Variants in LRP12 observed in about 807,000 individuals in gnomAD.
LRP12 encodes the protein LDL receptor related protein 12.
A neutral mutation model predicts 66.0 loss-of-function variants in LRP12; 14 were observed. The ratio of observed to expected loss-of-function variants is 0.21; its 90% CI spans 0.14 to 0.33. The LOEUF (loss-of-function observed/expected upper bound fraction) is 0.33. LRP12 is among the 10% of genes least tolerant of loss of function. The pLI is 1.00. For synonymous variants in LRP12, 357 were observed against 359.1 expected (o/e 0.99, Z 0.07); for missense variants, 889 against 1,053.4 (o/e 0.84, Z 2.16).
intron 6 of LRP12, among the ~76,000 whole-genome samples, chr8:104,493,163 C>T (rs34255383): frequency 0.15 from 22,317 of 152,040 alleles, 2,444 homozygotes; most frequent in African/African-American, 0.31. Context: ...GGGGATCTCA[C>T]GAATGTTCTA....
At chr8:104,579,661 G>A (rs1191645691) in intron 1 of LRP12, among the ~76,000 whole-genome samples, 1 of 152,100 alleles carries the variant, frequency 6.6e-6, no homozygotes, top group Non-Finnish European at 1.5e-5. Flanking sequence ...AAGAAATCAT[G>A]CTACCCAACT....
chr8:104,543,673 G>A (rs1347390619), intron 1 of LRP12, among the ~76,000 whole-genome samples: 1 of 152,170 alleles, frequency 6.6e-6, no homozygotes, highest in Non-Finnish European at 1.5e-5. Context: ...TGTAATTCCA[G>A]CACTTTGGGA....
rs533067243 is a variant in LRP12 at position 104,490,828 on chromosome 8, G to A, written c.2425C>T (p.Pro809Ser). ...ASDQGQGLRQ[P>S]YNATNPGVRP... Reference sequence around the variant, plus strand: ...ACTCCAGGATTTGTTGCATTATATGGTTGTCTAAGCCCTTGTCCTTGATCT... The same window carrying A: ...ACTCCAGGATTTGTTGCATTATATGATTGTCTAAGCCCTTGTCCTTGATCT... Residue 809 changes from proline to serine, a missense_variant, in exon 7 of 7, where the codon CCA becomes TCA. Coordinates refer to ENST00000276654, the MANE Select transcript of LRP12 (RefSeq NM_013437.5). 5 of 1,614,100 alleles carry A rather than the reference G, an allele frequency of 3.1e-6. No homozygotes were observed. In the South Asian group the frequency reaches 4.4e-5, roughly 14 times the overall value.
chr8:104,535,555 T>C (rs1441042677), intron 1 of LRP12, among the ~76,000 whole-genome samples: 2 of 151,996 alleles, frequency 1.3e-5, no homozygotes, highest in African/African-American at 4.8e-5. Flanking sequence ...GAATAGCTAA[T>C]AAATACACCT....
chr8:104,529,212 A>T (rs1170099060), intron 2 of LRP12, among the ~76,000 whole-genome samples: 1 of 152,174 alleles, frequency 6.6e-6, no homozygotes, highest in East Asian at 1.9e-4. Context: ...GACAGCACAC[A>T]CAGAGGGGAG....
intron 2 of LRP12, among the ~76,000 whole-genome samples, chr8:104,514,493 G>C (rs891811382): frequency 1.3e-5 from 2 of 149,264 alleles, no homozygotes; most frequent in Non-Finnish European, 3.0e-5. Context: ...TGGATAATGA[G>C]ATCAGGAGTT....
intron 2 of LRP12, among the ~76,000 whole-genome samples, chr8:104,526,781 T>TCATGTCTAAAA: frequency 6.8e-6 from 1 of 146,930 alleles, no homozygotes; most frequent in South Asian, 2.2e-4. Flanking sequence ...GGCAAGGACT[T>TCATGTCTAAAA]CATGTCTAAA....
chr8:104,524,474 T>C lies in LRP12; in HGVS notation c.136+7433A>G, dbSNP rs1422958355. On this transcript the variant is annotated intron_variant, in intron 2 of 6. Transcript: ENST00000276654. ...TGTATATGAATATGTCTCTTGAGCATGATCCAAATTAGGCAAAATCCATTG... is the reference window on the plus strand; with the variant it reads ...TGTATATGAATATGTCTCTTGAGCACGATCCAAATTAGGCAAAATCCATTG... Among the ~76,000 whole-genome samples, 5 of 152,178 alleles carry C rather than the reference T, an allele frequency of 3.3e-5. No individual in the cohort carries two copies. In the South Asian group the frequency reaches 8.3e-4, roughly 25 times the overall value.
intron 2 of LRP12, among the ~76,000 whole-genome samples, chr8:104,523,773 T>G (rs944305277): frequency 6.6e-6 from 1 of 152,216 alleles, no homozygotes; most frequent in African/African-American, 2.4e-5. Flanking sequence ...CCGAATTGCT[T>G]GATATGTACT....
At chr8:104,579,089 A>G (rs1194631732) in intron 1 of LRP12, among the ~76,000 whole-genome samples, 1 of 152,144 alleles carries the variant, frequency 6.6e-6, no homozygotes, top group East Asian at 1.9e-4. Context: ...AGGGTAATCA[A>G]GCAAAAGAAA....
chr8:104,548,297 A>G, intron 1 of LRP12, among the ~76,000 whole-genome samples: 1 of 61,082 alleles, frequency 1.6e-5, no homozygotes, highest in South Asian at 4.7e-4. Flanking sequence ...TCATATATTT[A>G]TATAATATAT....
chr8:104,513,580 A>C (rs987142370), intron 2 of LRP12, among the ~76,000 whole-genome samples: 1 of 152,126 alleles, frequency 6.6e-6, no homozygotes, highest in Admixed American at 6.6e-5. Flanking sequence ...GCTAAATCCA[A>C]TGGACACTCA....
At chr8:104,499,169 T>C in intron 4 of LRP12, 148 bp downstream of exon 4, 1 of 588,720 alleles carries the variant, frequency 1.7e-6, no homozygotes, top group African/African-American at 1.9e-5. Context: ...CTTTAGGGCA[T>C]CTAACTTTAG....
At chr8:104,564,571 G>T (rs1225583016) in intron 1 of LRP12, among the ~76,000 whole-genome samples, 1 of 151,392 alleles carries the variant, frequency 6.6e-6, no homozygotes, top group Non-Finnish European at 1.5e-5. Flanking sequence ...AATCAGGGGA[G>T]ATAAGAAAGA....
chr8:104,566,225 C>T, intron 1 of LRP12: 2 of 633,444 alleles, frequency 3.2e-6, no homozygotes, highest in South Asian at 2.3e-5. Flanking sequence ...AGAAAGTATA[C>T]AGAACAGATT....
At chr8:104,588,794 G>C (rs374753444) in intron 1 of LRP12, 25 bp downstream of exon 1, 42 of 1,608,654 alleles carry the variant, frequency 2.6e-5, no homozygotes, top group African/African-American at 6.7e-5. Flanking sequence ...TTCGGTCAGC[G>C]GGGCGCGGGG....
chr8:104,549,386 C>G (rs555139629), intron 1 of LRP12, among the ~76,000 whole-genome samples: 150 of 146,972 alleles, frequency 1.0e-3, no homozygotes, highest in African/African-American at 3.5e-3. Flanking sequence ...TAAAAAACAT[C>G]AACTCTGAAT....
intron 6 of LRP12, among the ~76,000 whole-genome samples, chr8:104,492,130 T>C (rs1810644263): frequency 6.6e-6 from 1 of 152,140 alleles, no homozygotes; most frequent in East Asian, 1.9e-4. Context: ...ATTATATTTG[T>C]AATACAGCAC....
intron 1 of LRP12, among the ~76,000 whole-genome samples, chr8:104,583,700 T>C (rs1812289407): frequency 6.6e-6 from 1 of 152,194 alleles, no homozygotes; most frequent in South Asian, 2.1e-4. Flanking sequence ...CAATCCTGAC[T>C]CTACTACTTC....
Sources: allele counts gnomAD v4.1 joint callset (sites outside exome capture counted in the v4.1 genomes callset), GRCh38; gene constraint gnomAD v4.1.1; transcripts MANE v1.5; gene names NCBI Gene and HGNC (gene_info 2026-07-23, HGNC 2026-07-21).